The following NRXN3 variants were observed in gnomAD, a reference collection of about 807,000 sequenced individuals.
NRXN3 encodes neurexin III.
NRXN3 carries 32 observed loss-of-function variants against 137.6 expected under a neutral mutation model. That is an observed-to-expected ratio of 0.23 (90% CI 0.18 to 0.31). NRXN3 has a LOEUF of 0.31. NRXN3 is among the 10% of genes least tolerant of loss of function. The probability of loss-of-function intolerance (pLI) is 1.00; values close to 1 mark genes in which losing one functional copy is unlikely to be tolerated. For synonymous variants in NRXN3, 798 were observed against 784.5 expected (o/e 1.02, Z -0.29); for missense variants, 1,574 against 2,062.5 (o/e 0.76, Z 4.59).
At chr14:79,656,217 C>T (rs1232638408) in intron 16 of NRXN3, among the ~76,000 whole-genome samples, 2 of 152,096 alleles carry the variant, frequency 1.3e-5, no homozygotes, top group Non-Finnish European at 2.9e-5. Flanking sequence ...TGAGATTTAG[C>T]GGGGAAACCG....
chr14:79,865,290 C>T lies in NRXN3; in HGVS notation c.*3326C>T, dbSNP rs905657127. 6.6e-6 allele frequency: 1 copy of T among 152,158 alleles called. No homozygotes were observed. Among genetic ancestry groups the T allele is most frequent in the Non-Finnish European group, 1.5e-5 (1 of 68,024 alleles). 9.4% of individuals were successfully genotyped at this position (152,158 alleles called of 1,614,324 possible). A position where few individuals can be genotyped will look rare whatever the true frequency, so the allele number is the denominator to read the frequency against. ...TTCTTACAAGAATTTCTGATTACAACTTGTTTCATACACCCATTGTAGCAG... is the reference window on the plus strand; with the variant it reads ...TTCTTACAAGAATTTCTGATTACAATTTGTTTCATACACCCATTGTAGCAG... On this transcript the variant is annotated 3_prime_UTR_variant, in exon 21 of 21. Coordinates refer to ENST00000335750, the MANE Select transcript of NRXN3 (RefSeq NM_001330195.2).
chr14:78,335,642 G>C (rs1327582937), intron 4 of NRXN3, among the ~76,000 whole-genome samples: 1 of 152,206 alleles, frequency 6.6e-6, no homozygotes, highest in Non-Finnish European at 1.5e-5. Context: ...CTGAAAGGAA[G>C]GCAGCTGTGG....
At chr14:78,182,344 A>C (rs1277265957) in intron 1 of NRXN3, among the ~76,000 whole-genome samples, 1 of 152,164 alleles carries the variant, frequency 6.6e-6, no homozygotes, top group African/African-American at 2.4e-5. Context: ...CATCCCACCG[A>C]GATGTTTTTG....
At chr14:79,561,496 G>T (rs1893549390) in intron 16 of NRXN3, among the ~76,000 whole-genome samples, 1 of 152,118 alleles carries the variant, frequency 6.6e-6, no homozygotes. Flanking sequence ...CTGAGAAAAA[G>T]GGTCTATGTT....
At chr14:78,933,379 A>G (rs1057293853) in intron 10 of NRXN3, among the ~76,000 whole-genome samples, 4 of 152,218 alleles carry the variant, frequency 2.6e-5, no homozygotes, top group African/African-American at 9.7e-5. Context: ...ATTTTCTGTA[A>G]TAGAATATTT....
chr14:78,232,977 G>A (rs1271042945), intron 1 of NRXN3, among the ~76,000 whole-genome samples: 1 of 152,192 alleles, frequency 6.6e-6, no homozygotes, highest in Admixed American at 6.5e-5. Flanking sequence ...GTTCTTTGGT[G>A]TGTGAGAGAA....
At chr14:78,782,555 G>A (rs1049428513) in intron 8 of NRXN3, among the ~76,000 whole-genome samples, 4 of 152,158 alleles carry the variant, frequency 2.6e-5, no homozygotes, top group Non-Finnish European at 5.9e-5. Flanking sequence ...TGTAGAAACA[G>A]TTTCACAGCC....
At chr14:79,728,031 G>A (rs1360484326) in intron 19 of NRXN3, among the ~76,000 whole-genome samples, 2 of 152,152 alleles carry the variant, frequency 1.3e-5, no homozygotes, top group Non-Finnish European at 2.9e-5. Context: ...CCTCTACTGA[G>A]AGGCAACTTC....
At chr14:78,671,683 G>A (rs939241821) in intron 6 of NRXN3, among the ~76,000 whole-genome samples, 1 of 151,772 alleles carries the variant, frequency 6.6e-6, no homozygotes, top group Non-Finnish European at 1.5e-5. Flanking sequence ...TTTGTGTTTT[G>A]CATTTATATT....
intron 16 of NRXN3, among the ~76,000 whole-genome samples, chr14:79,640,411 T>C (rs548790663): frequency 7.3e-6 from 1 of 136,070 alleles, no homozygotes; most frequent in South Asian, 2.3e-4. Flanking sequence ...TGAGTAGTTT[T>C]CCCATTCCTA....
At chr14:78,656,051 A>G (rs1229102525) in intron 6 of NRXN3, among the ~76,000 whole-genome samples, 1 of 152,140 alleles carries the variant, frequency 6.6e-6, no homozygotes, top group Admixed American at 6.5e-5. Context: ...AAACTGTCAC[A>G]TTGTGGGTTA....
rs575949417 is a variant in NRXN3, at chr14:78,875,187, T to C, written c.2275+64843T>C. ...GATATCTGTTATTCCTGACAAACTT[T>C]AAAAGGTTCTAGAACTGGCAAAACA... On this transcript the variant is annotated intron_variant, in intron 10 of 20. Coordinates refer to ENST00000335750, the MANE Select transcript of NRXN3 (RefSeq NM_001330195.2). Among the ~76,000 whole-genome samples, 3 of 152,304 alleles carry C rather than the reference T, an allele frequency of 2.0e-5. No individual in the cohort carries two copies. In the South Asian group the frequency reaches 6.2e-4, roughly 32 times the overall value.
chr14:78,465,318 C>G (rs891377981), intron 4 of NRXN3, among the ~76,000 whole-genome samples: 1 of 151,844 alleles, frequency 6.6e-6, no homozygotes, highest in South Asian at 2.1e-4. Flanking sequence ...TTATGGAAAC[C>G]AGATGGATTG....
At chr14:79,338,982 A>G (rs2092441584) in intron 15 of NRXN3, among the ~76,000 whole-genome samples, 1 of 152,216 alleles carries the variant, frequency 6.6e-6, no homozygotes, top group Non-Finnish European at 1.5e-5. Context: ...AAAGTTGGGC[A>G]TTCTGTAGGG....
Position 78,418,880 on chromosome 14 carries a change from A to G in NRXN3, c.757+121020A>G, listed in dbSNP as rs997017830. On this transcript the variant is annotated intron_variant, in intron 4 of 20. Transcript: ENST00000335750. ...TGTTACAGATGAGGCACAGAGAGGC[A>G]TAGAAACTTGCCCAAGCTTGGAGGA... 4.6e-5 allele frequency among the ~76,000 whole-genome samples: 7 copies of G among 152,242 alleles called. No homozygotes were observed. The South Asian group carries it at 8.3e-4, about 18-fold the overall frequency.
intron 15 of NRXN3, among the ~76,000 whole-genome samples, chr14:79,406,043 CAGTT>C (rs780531245): frequency 6.6e-6 from 1 of 152,096 alleles, no homozygotes; most frequent in Non-Finnish European, 1.5e-5. Flanking sequence ...ACTTAATAAA[CAGTT>C]AAATATACAA....
intron 1 of NRXN3, among the ~76,000 whole-genome samples, chr14:78,234,994 T>TTTTATATATATATATATATATATATATA (rs1411362918): frequency 1.8e-5 from 2 of 108,784 alleles, no homozygotes; most frequent in African/African-American, 6.6e-5. Flanking sequence ...ACAAATGCTT[T>TTTTATATATATATATATATATATATATA]TATATATATA....
intron 15 of NRXN3, chr14:79,314,221 G>A (rs1225453053): frequency 7.3e-6 from 1 of 137,868 alleles, no homozygotes; most frequent in Non-Finnish European, 1.6e-5. Context: ...CCGTGCGCGA[G>A]CCGAAGCAGG....
chr14:78,277,995 G>T (rs2073847245), intron 2 of NRXN3, among the ~76,000 whole-genome samples: 2 of 152,132 alleles, frequency 1.3e-5, no homozygotes, highest in Admixed American at 1.3e-4. Flanking sequence ...TTTGTTTGAT[G>T]AATGATCTAC....
Sources: allele counts gnomAD v4.1 joint callset (sites outside exome capture counted in the v4.1 genomes callset), GRCh38; gene constraint gnomAD v4.1.1; transcripts MANE v1.5; gene names NCBI Gene and HGNC (gene_info 2026-07-23, HGNC 2026-07-21).